Variants in ANO1 observed in about 807,000 individuals in gnomAD.
ANO1 encodes anoctamin-1.
Under a neutral mutation model 124.0 loss-of-function variants are expected in ANO1, and 59 were observed. The ratio of observed to expected loss-of-function variants is 0.48; its 90% CI spans 0.39 to 0.59. The LOEUF (loss-of-function observed/expected upper bound fraction) is 0.59. ANO1 is among the 20% of genes least tolerant of loss of function. The pLI is 0.00. For synonymous variants in ANO1, 529 were observed against 532.0 expected (o/e 0.99, Z 0.08); for missense variants, 1,059 against 1,328.0 (o/e 0.80, Z 3.15).
chr11:70,056,901 T>G (rs1857449122), intron 1 of ANO1, among the ~76,000 whole-genome samples: 1 of 151,902 alleles, frequency 6.6e-6, no homozygotes, highest in East Asian at 1.9e-4. Context: ...TTAACTAATC[T>G]CTTATATTCT....
At chr11:70,095,338 GAGAAAGAAAAA>G (rs2044850779) in intron 2 of ANO1, among the ~76,000 whole-genome samples, 1 of 101,450 alleles carries the variant, frequency 9.9e-6, no homozygotes, top group Admixed American at 1.1e-4. Context: ...AGAAAGGAAA[GAGAAAGAAAAA>G]GAAAGAAAGA....
chr11:70,150,788 T>C (rs1453205136), intron 12 of ANO1, among the ~76,000 whole-genome samples: 3 of 152,230 alleles, frequency 2.0e-5, no homozygotes, highest in Non-Finnish European at 2.9e-5. Flanking sequence ...AACTTTTTCA[T>C]GCATTTTTAT....
chr11:70,041,632 C>G (rs757825346), intron 1 of ANO1, among the ~76,000 whole-genome samples: 2 of 151,960 alleles, frequency 1.3e-5, no homozygotes, highest in Non-Finnish European at 2.9e-5. Context: ...GTAAGCACCA[C>G]AGGGGCAGAC....
chr11:70,046,680 C>T (rs1365883144), intron 1 of ANO1, among the ~76,000 whole-genome samples: 3 of 151,960 alleles, frequency 2.0e-5, no homozygotes, highest in African/African-American at 7.3e-5. Context: ...TGAGTCAGGT[C>T]AGAAAGACAC....
At chr11:69,980,168 C>A in the ANO1 span, among the ~76,000 whole-genome samples, 1 of 152,114 alleles carries the variant, frequency 6.6e-6, no homozygotes, top group African/African-American at 2.4e-5. Flanking sequence ...AGAGGCCAGT[C>A]CCAAAAAGAT....
At chr11:70,000,319 GC>G (rs1554999035) in intron 1 of ANO1, among the ~76,000 whole-genome samples, 3 of 53,188 alleles carry the variant, frequency 5.6e-5, no homozygotes, top group South Asian at 1.6e-3. Context: ...ATAGAGATGG[GC>G]CGGGGGGGGA....
chr11:70,132,674 G>A (rs1011499129), intron 11 of ANO1, among the ~76,000 whole-genome samples: 2 of 152,174 alleles, frequency 1.3e-5, no homozygotes, highest in East Asian at 1.9e-4. Context: ...AGTCCTACCC[G>A]ACTCCCAACT....
chr11:69,983,461 C>A (rs1855975559), upstream of ANO1, among the ~76,000 whole-genome samples: 1 of 152,240 alleles, frequency 6.6e-6, no homozygotes, highest in Non-Finnish European at 1.5e-5. Context: ...AGCCAGTGCA[C>A]TGGCCCCACT....
At chr11:70,105,936 G>A in intron 5 of ANO1, 148 bp downstream of exon 5, 1 of 856,066 alleles carries the variant, frequency 1.2e-6, no homozygotes, top group Non-Finnish European at 1.8e-6. Flanking sequence ...AAGGGAGAGG[G>A]CAACGAGGGG....
chr11:70,102,483 C>G (rs1464053266), intron 2 of ANO1, among the ~76,000 whole-genome samples: 1 of 152,240 alleles, frequency 6.6e-6, no homozygotes, highest in Non-Finnish European at 1.5e-5. Flanking sequence ...GGCCTGCCTT[C>G]AAGCCCATGC....
intron 6 of ANO1, 81 bp from the exon 7 acceptor site, chr11:70,111,626 G>A (rs1319624074): frequency 1.5e-6 from 2 of 1,361,496 alleles, no homozygotes; most frequent in African/African-American, 2.9e-5. Flanking sequence ...GGCTGAGATG[G>A]CCCTGTGACC....
intron 12 of ANO1, among the ~76,000 whole-genome samples, chr11:70,150,076 AGG>A (rs1358881364): frequency 1.3e-5 from 2 of 152,184 alleles, no homozygotes; most frequent in African/African-American, 4.8e-5. Context: ...GGCACATGCC[AGG>A]GCTCACCACA....
rs756109337 is a variant in ANO1, at chr11:70,167,365, C to T, written c.2175C>T (p.Leu725=). 3 of 1,612,682 alleles carry T rather than the reference C, an allele frequency of 1.9e-6. No individual in the cohort carries two copies. The highest frequency in any genetic ancestry group is 2.5e-6 in the Non-Finnish European group (3 of 1,179,246). Residue 725 remains leucine, a synonymous_variant, in exon 21 of 26, where the codon CTC becomes CTT. Coordinates refer to ENST00000355303, the MANE Select transcript of ANO1 (RefSeq NM_018043.7). ...ACAACCTGGAGCCCTTCGCGGGCCT[C>T]ACCCCAGAGTACATGGAAATGAGTG... is the stretch of plus-strand genomic sequence containing the variant. The part of the protein sequence containing the change: ...VDYNLEPFAG[L]TPEYMEMIIQ...
At chr11:70,142,010 A>G (rs1380447317) in intron 11 of ANO1, among the ~76,000 whole-genome samples, 1 of 152,160 alleles carries the variant, frequency 6.6e-6, no homozygotes, top group African/African-American at 2.4e-5. Flanking sequence ...CGTGGGGTCC[A>G]GCTTTCCTGG....
chr11:70,166,266 C>T (rs112335116), intron 20 of ANO1, among the ~76,000 whole-genome samples: 5 of 152,006 alleles, frequency 3.3e-5, no homozygotes, highest in Non-Finnish European at 7.4e-5. Flanking sequence ...TGCAGTGAGC[C>T]GAGATCGCAC....
At chr11:70,123,202 C>T (rs186206729) in intron 8 of ANO1, among the ~76,000 whole-genome samples, 36 of 152,320 alleles carry the variant, frequency 2.4e-4, no homozygotes, top group Non-Finnish European at 4.1e-4. Flanking sequence ...CAAGCCCCTC[C>T]AACCATGGCC....
chr11:70,002,130 A>G (rs983647756), intron 1 of ANO1, among the ~76,000 whole-genome samples: 1 of 152,064 alleles, frequency 6.6e-6, no homozygotes, highest in East Asian at 1.9e-4. Flanking sequence ...CCATATTTTT[A>G]ATGTACCTTT....
At chr11:70,161,944 C>T (rs2048059843) in intron 18 of ANO1, among the ~76,000 whole-genome samples, 1 of 151,994 alleles carries the variant, frequency 6.6e-6, no homozygotes, top group Admixed American at 6.5e-5. Context: ...GGCAGGGAAC[C>T]CAGGCAGTGG....
intron 1 of ANO1, among the ~76,000 whole-genome samples, chr11:70,014,202 C>T (rs1034000977): frequency 6.6e-6 from 1 of 152,018 alleles, no homozygotes; most frequent in Admixed American, 6.6e-5. Flanking sequence ...AGGAGCTCAG[C>T]GTATTTTCAC....
Sources: allele counts gnomAD v4.1 joint callset (sites outside exome capture counted in the v4.1 genomes callset), GRCh38; gene constraint gnomAD v4.1.1; transcripts MANE v1.5; gene names NCBI Gene and HGNC (gene_info 2026-07-23, HGNC 2026-07-21).